The following STK32B variants were observed in gnomAD, a reference collection of about 807,000 sequenced individuals.
STK32B encodes serine/threonine kinase 32B, also known as serine/threonine-protein kinase 32B.
Under a neutral mutation model 52.6 loss-of-function variants are expected in STK32B, and 43 were observed. The ratio of observed to expected loss-of-function variants is 0.82; its 90% CI spans 0.64 to 1.05. The LOEUF (loss-of-function observed/expected upper bound fraction) is 1.05. Ranked by LOEUF, STK32B falls within the 50% of genes least tolerant of loss-of-function variation. STK32B has a pLI of 0.00. For missense variants in STK32B, 621 were observed against 534.6 expected (o/e 1.16, Z -1.59); for synonymous variants, 238 against 204.3 (o/e 1.17, Z -1.41).
At chr4:5,090,370 CTTTTT>C (rs754643704) in intron 1 of STK32B, among the ~76,000 whole-genome samples, 4 of 56,540 alleles carry the variant, frequency 7.1e-5, no homozygotes, top group East Asian at 5.5e-4. Context: ...TTTAATCCAT[CTTTTT>C]TTTTTTTTTT....
chr4:5,087,116 T>C (rs1243070513), intron 1 of STK32B, among the ~76,000 whole-genome samples: 1 of 152,138 alleles, frequency 6.6e-6, no homozygotes, highest in African/African-American at 2.4e-5. Flanking sequence ...ATTAAATCTA[T>C]ATAGATAGGC....
chr4:5,374,775 G>GA (rs981985039), intron 4 of STK32B, among the ~76,000 whole-genome samples: 1 of 147,678 alleles, frequency 6.8e-6, no homozygotes, highest in Non-Finnish European at 1.5e-5. Context: ...AATATTGACG[G>GA]GGGCGGGGGG....
At position 5,189,485 on chromosome 4, in the gene STK32B, G is replaced by C. The variant is rs73093668; in HGVS notation, c.260+21035G>C. On this transcript the variant is annotated intron_variant, in intron 3 of 11. Coordinates refer to ENST00000282908, the MANE Select transcript of STK32B (RefSeq NM_018401.3). ...TCTGTATGTCTTTCATGGCTTGATA[G>C]CTCATTTCTTTTTAGTGACAAGTAA... is the stretch of plus-strand genomic sequence containing the variant. Among the ~76,000 whole-genome samples, 700 of 152,250 alleles carry C rather than the reference G, an allele frequency of 4.6e-3. 14 individuals are homozygous for C. Among genetic ancestry groups the C allele is most frequent in the African/African-American group, 0.015 (638 of 41,538 alleles).
intron 3 of STK32B, among the ~76,000 whole-genome samples, chr4:5,186,348 C>T (rs905554089): frequency 3.9e-5 from 6 of 152,186 alleles, no homozygotes; most frequent in African/African-American, 1.4e-4. Flanking sequence ...TTATTCATCT[C>T]TGTCTCCCTA....
chr4:5,488,092 A>G (rs867070098), intron 11 of STK32B, among the ~76,000 whole-genome samples: 2 of 152,198 alleles, frequency 1.3e-5, no homozygotes, highest in African/African-American at 2.4e-5. Context: ...CTATTCTTAT[A>G]TGGTCAGACC....
At chr4:5,483,187 G>T (rs929265552) in intron 11 of STK32B, among the ~76,000 whole-genome samples, 4 of 151,594 alleles carry the variant, frequency 2.6e-5, no homozygotes, top group African/African-American at 9.8e-5. Flanking sequence ...TGTACCTCTG[G>T]TAGAATTTGG....
intron 1 of STK32B, among the ~76,000 whole-genome samples, chr4:5,105,826 G>T (rs535203685): frequency 1.8e-4 from 28 of 151,798 alleles, no homozygotes; most frequent in African/African-American, 6.3e-4. Flanking sequence ...GCCACCCAAA[G>T]TGCTGGGATT....
At chr4:5,191,395 C>T (rs139720212) in intron 3 of STK32B, among the ~76,000 whole-genome samples, 7 of 152,174 alleles carry the variant, frequency 4.6e-5, no homozygotes, top group South Asian at 2.1e-4. Context: ...GGATTACAGG[C>T]GCACACCACC....
chr4:5,465,640 C>G (rs1350933548), intron 9 of STK32B, among the ~76,000 whole-genome samples: 1 of 152,190 alleles, frequency 6.6e-6, no homozygotes, highest in African/African-American at 2.4e-5. Context: ...TCTGATCCCT[C>G]AACAAACTCT....
At chr4:5,456,676 T>G in intron 7 of STK32B, 131 bp from the exon 8 acceptor site, 10 of 857,278 alleles carry the variant, frequency 1.2e-5, no homozygotes, top group Non-Finnish European at 1.7e-5. Flanking sequence ...TGCTCTGCCG[T>G]GAAAGAGAAG....
chr4:5,227,277 G>A (rs1362195392), intron 3 of STK32B, among the ~76,000 whole-genome samples: 2 of 152,120 alleles, frequency 1.3e-5, no homozygotes, highest in East Asian at 3.9e-4. Flanking sequence ...TCTCTCTCAC[G>A]TTAAAATCCT....
At chr4:5,127,860 A>G (rs887977482) in intron 1 of STK32B, among the ~76,000 whole-genome samples, 38 of 152,110 alleles carry the variant, frequency 2.5e-4, no homozygotes, top group African/African-American at 8.9e-4. Context: ...GGTTTTTCCC[A>G]GCTGTTCTCG....
At chr4:5,496,208 C>T (rs191469572) in intron 11 of STK32B, among the ~76,000 whole-genome samples, 7 of 152,364 alleles carry the variant, frequency 4.6e-5, no homozygotes, top group African/African-American at 9.6e-5. Flanking sequence ...AGGCAAGCCT[C>T]CTTGAGCTGT....
At chr4:5,437,438 T>C (rs1287495930) in intron 6 of STK32B, among the ~76,000 whole-genome samples, 2 of 152,230 alleles carry the variant, frequency 1.3e-5, no homozygotes, top group Non-Finnish European at 2.9e-5. Flanking sequence ...GCCTTTGTCT[T>C]CACATGGCCG....
intron 11 of STK32B, among the ~76,000 whole-genome samples, chr4:5,495,404 C>G (rs565495157): frequency 3.9e-5 from 6 of 152,162 alleles, no homozygotes; most frequent in African/African-American, 2.4e-5. Context: ...ATGTAGTTCT[C>G]GAGCCTTGGC....
At chr4:5,063,398 A>G (rs997692242) in intron 1 of STK32B, among the ~76,000 whole-genome samples, 2 of 151,966 alleles carry the variant, frequency 1.3e-5, no homozygotes, top group African/African-American at 4.8e-5. Context: ...GCTGGAGTGC[A>G]GTGGTGCGAT....
At chr4:5,268,533 GGTGTGGTGTGT>G (rs1480969929) in intron 3 of STK32B, among the ~76,000 whole-genome samples, 1 of 136,842 alleles carries the variant, frequency 7.3e-6, no homozygotes, top group African/African-American at 2.8e-5. Flanking sequence ...GAAGTTGCTT[GGTGTGGTGTGT>G]GTGTGTGTGT....
chr4:5,335,684 G>T (rs1044361020), intron 4 of STK32B, among the ~76,000 whole-genome samples: 1 of 151,808 alleles, frequency 6.6e-6, no homozygotes, highest in East Asian at 1.9e-4. Flanking sequence ...TTGTGTCTTT[G>T]TTCTCGTTGG....
the STK32B span, among the ~76,000 whole-genome samples, chr4:5,029,145 G>T: frequency 9.2e-5 from 14 of 152,240 alleles, no homozygotes; most frequent in African/African-American, 3.4e-4. Context: ...TGAGATTTGG[G>T]TGGAGACACA....
Sources: gnomAD v4.1 joint callset for allele counts (sites outside exome capture counted in the v4.1 genomes callset) on GRCh38, gnomAD v4.1.1 for gene constraint, MANE v1.5 for transcripts, NCBI Gene and HGNC (gene_info 2026-07-23, HGNC 2026-07-21) for gene names.